Variants in SATL1 observed in about 807,000 individuals in gnomAD.
SATL1 encodes the protein spermidine/spermine N1-acetyl transferase like 1.
SATL1 carries 47 observed loss-of-function variants against 51.8 expected under a neutral mutation model. The observed-to-expected ratio is 0.91, with a 90% CI of 0.72 to 1.16. The LOEUF is 1.16. Ranked by LOEUF, SATL1 falls within the 50% of genes most tolerant of loss-of-function variation. The probability of loss-of-function intolerance (pLI) is 0.00; values close to 1 mark genes in which losing one functional copy is unlikely to be tolerated. For missense variants in SATL1, 520 were observed against 526.4 expected (o/e 0.99, Z 0.12); for synonymous variants, 176 against 182.4 (o/e 0.97, Z 0.28).
intron 4 of SATL1, among the ~76,000 whole-genome samples, chrX:85,100,729 G>A (rs1924870687): frequency 9.0e-6 from 1 of 111,544 alleles, no homozygotes; most frequent in Non-Finnish European, 1.9e-5. Flanking sequence ...GGAATTCCAA[G>A]GGGCCCCAAA....
chrX:85,239,750 G>T (rs781722759), intron 1 of SATL1, among the ~76,000 whole-genome samples: 1 of 111,468 alleles, frequency 9.0e-6, no homozygotes, highest in Admixed American at 9.5e-5. Flanking sequence ...AGATACACAG[G>T]CAATTCAGTG....
intron 2 of SATL1, among the ~76,000 whole-genome samples, chrX:85,117,817 GTT>G (rs1218294451): frequency 9.0e-6 from 1 of 111,219 alleles, no homozygotes; most frequent in Non-Finnish European, 1.9e-5. Context: ...TACCTCTAGA[GTT>G]TGTTGTAATT....
chrX:85,162,721 C>T (rs1380088930), intron 2 of SATL1, among the ~76,000 whole-genome samples: 1 of 111,243 alleles, frequency 9.0e-6, no homozygotes, highest in African/African-American at 3.3e-5. Flanking sequence ...TCCTTCTATG[C>T]CAATTTTGCT....
intron 4 of SATL1, among the ~76,000 whole-genome samples, chrX:85,103,349 A>G (rs760652737): frequency 2.7e-5 from 3 of 111,429 alleles, no homozygotes; most frequent in African/African-American, 9.7e-5. Context: ...TCCTTCATCA[A>G]TTCTTCTAGA....
At chrX:85,145,123 G>C (rs1926200572) in intron 2 of SATL1, among the ~76,000 whole-genome samples, 1 of 111,624 alleles carries the variant, frequency 9.0e-6, no homozygotes, top group African/African-American at 3.3e-5. Flanking sequence ...CCTACTAGTA[G>C]AGTGACTATT....
At chrX:85,197,736 G>A (rs980983904) in intron 2 of SATL1, among the ~76,000 whole-genome samples, 11 of 104,024 alleles carry the variant, frequency 1.1e-4, no homozygotes, top group African/African-American at 3.9e-4. Context: ...CTATGAGTGA[G>A]AACATGCGGT....
intron 2 of SATL1, among the ~76,000 whole-genome samples, chrX:85,196,520 G>T (rs1244457579): frequency 9.0e-6 from 1 of 111,344 alleles, no homozygotes; most frequent in Admixed American, 9.6e-5. Context: ...TCTTGAAAAA[G>T]AGGAACAAAA....
intron 2 of SATL1, among the ~76,000 whole-genome samples, chrX:85,146,600 T>TATCA (rs1926246076): frequency 8.9e-6 from 1 of 112,454 alleles, no homozygotes; most frequent in Non-Finnish European, 1.9e-5. Flanking sequence ...TCCTGGAATC[T>TATCA]ATCACCTGTG....
chrX:85,207,144 G>A (rs1235702361), intron 2 of SATL1: 1 of 111,565 alleles, frequency 9.0e-6, no homozygotes, highest in African/African-American at 3.3e-5. Flanking sequence ...GATAGGCTGA[G>A]CAGTGCTGTT....
At chrX:85,172,644 A>AATAAATAC (rs1158645643) in intron 2 of SATL1, among the ~76,000 whole-genome samples, 1 of 111,593 alleles carries the variant, frequency 9.0e-6, no homozygotes, top group East Asian at 2.8e-4. Flanking sequence ...CTTATGCAAT[A>AATAAATAC]ATAAATACAT....
chrX:85,147,294 G>A (rs1210741476), intron 2 of SATL1, among the ~76,000 whole-genome samples: 1 of 112,492 alleles, frequency 8.9e-6, no homozygotes, highest in African/African-American at 3.2e-5. Flanking sequence ...GCCCAGGCTT[G>A]CTTAGGTAAA....
rs747093188 is a variant in SATL1 at position 85,118,087 on chromosome X, C to CTTTTTTTTTTTTTTTTT, written c.-312-8808_-312-8807insAAAAAAAAAAAAAAAAA. ...TTTTGCAAATAAAAAAAGAACTTAGCTTTTTTTTTTTTTTTTCCAGAGTGC... is the reference window on the plus strand; with the variant it reads ...TTTTGCAAATAAAAAAAGAACTTAGCTTTTTTTTTTTTTTTTTTTTTTTTTTTTTTTTTCCAGAGTGC... On this transcript the variant is annotated intron_variant, in intron 2 of 7. Transcript: ENST00000644105. Among the ~76,000 whole-genome samples the CTTTTTTTTTTTTTTTTT allele has an allele frequency of 7.8e-4, 36 of 46,166 alleles. 5 individuals carry two copies. Among genetic ancestry groups the CTTTTTTTTTTTTTTTTT allele is most frequent in the African/African-American group, 1.1e-3 (18 of 17,011 alleles). 40.1% of individuals were successfully genotyped at this position (46,166 alleles called of 115,157 possible). A position where few individuals can be genotyped will look rare whatever the true frequency, so the allele number is the denominator to read the frequency against.
intron 2 of SATL1, among the ~76,000 whole-genome samples, chrX:85,163,481 C>T (rs1033100700): frequency 6.3e-5 from 7 of 110,986 alleles, no homozygotes; most frequent in African/African-American, 2.3e-4. Context: ...TCGTGAAGTT[C>T]AATTAATTTT....
chrX:85,145,016 A>T (rs923272108), intron 2 of SATL1, among the ~76,000 whole-genome samples: 2 of 110,427 alleles, frequency 1.8e-5, no homozygotes, highest in African/African-American at 6.6e-5. Context: ...AGCCTGGGTG[A>T]CAGAGCTAGG....
At chrX:85,201,029 G>A (rs1306108371) in intron 2 of SATL1, among the ~76,000 whole-genome samples, 3 of 110,596 alleles carry the variant, frequency 2.7e-5, no homozygotes, top group African/African-American at 6.6e-5. Flanking sequence ...TAGCAGATGC[G>A]TTCACTCTTT....
intron 2 of SATL1, chrX:85,153,672 C>T (rs183973816): frequency 1.7e-4 from 19 of 111,619 alleles, no homozygotes; most frequent in African/African-American, 5.5e-4. Flanking sequence ...CAAGGGACAC[C>T]ATTTGTTTTT....
intron 2 of SATL1, among the ~76,000 whole-genome samples, chrX:85,197,727 T>C (rs1380278279): frequency 6.9e-5 from 7 of 101,513 alleles, no homozygotes; most frequent in African/African-American, 2.5e-4. Flanking sequence ...AATTCCCACC[T>C]ATGAGTGAGA....
chrX:85,237,492 T>C (rs886472694), intron 1 of SATL1, among the ~76,000 whole-genome samples: 2 of 111,595 alleles, frequency 1.8e-5, no homozygotes, highest in Middle Eastern at 4.2e-3. Context: ...TAAATGGTGC[T>C]GGGAAAACTG....
chrX:85,119,921 G>T (rs1053840589), intron 2 of SATL1, among the ~76,000 whole-genome samples: 3 of 111,240 alleles, frequency 2.7e-5, no homozygotes, highest in Non-Finnish European at 5.7e-5. Flanking sequence ...TAAATTAAGC[G>T]AATAAAAGGC....
Sources: allele counts gnomAD v4.1 joint callset (sites outside exome capture counted in the v4.1 genomes callset), GRCh38; gene constraint gnomAD v4.1.1; transcripts MANE v1.5; gene names NCBI Gene and HGNC (gene_info 2026-07-23, HGNC 2026-07-21).